The following HMGA2 variants were observed in gnomAD, a reference collection of about 807,000 sequenced individuals.
The protein encoded by HMGA2 is high mobility group AT-hook 2.
HMGA2 carries 8 observed loss-of-function variants against 19.1 expected under a neutral mutation model. The ratio of observed to expected loss-of-function variants is 0.42; its 90% CI spans 0.25 to 0.76. HMGA2 has a LOEUF of 0.76. HMGA2 is among the 30% of genes least tolerant of loss of function. The pLI is 0.28. For missense variants in HMGA2, 109 were observed against 136.3 expected, an observed-to-expected ratio of 0.80 and a Z score of 1.00; for synonymous variants, 60 against 48.8, an observed-to-expected ratio of 1.23 and a Z score of -0.96.
intron 3 of HMGA2, among the ~76,000 whole-genome samples, chr12:65,844,340 G>A (rs961208188): frequency 6.6e-6 from 1 of 152,090 alleles, no homozygotes; most frequent in Non-Finnish European, 1.5e-5. Flanking sequence ...TGCATATAAT[G>A]CATTCAAAGT....
chr12:65,951,527 G>A (rs750247609), intron 4 of HMGA2, 112 bp downstream of exon 4: 10 of 726,724 alleles, frequency 1.4e-5, no homozygotes, highest in South Asian at 3.4e-5. Flanking sequence ...TTTGGTTATC[G>A]TCCTGCAGTA....
intron 3 of HMGA2, among the ~76,000 whole-genome samples, chr12:65,901,655 AC>A (rs1874377174): frequency 6.6e-6 from 1 of 152,214 alleles, no homozygotes; most frequent in Non-Finnish European, 1.5e-5. Flanking sequence ...TATTTACTAA[AC>A]ATTCCTTAAA....
At chr12:65,943,574 C>A (rs555753189) in intron 3 of HMGA2, among the ~76,000 whole-genome samples, 1 of 152,288 alleles carries the variant, frequency 6.6e-6, no homozygotes, top group Admixed American at 6.5e-5. Flanking sequence ...TTACTTTTGT[C>A]TTTTGCATTA....
intron 2 of HMGA2, among the ~76,000 whole-genome samples, 196 bp from the exon 3 acceptor site, chr12:65,838,323 A>G (rs559704425): frequency 1.8e-4 from 27 of 152,014 alleles, no homozygotes; most frequent in African/African-American, 5.3e-4. Flanking sequence ...ACATCATGCA[A>G]TGAAGAAGAA....
At chr12:65,944,368 G>A (rs987075798) in intron 3 of HMGA2, among the ~76,000 whole-genome samples, 1 of 152,198 alleles carries the variant, frequency 6.6e-6, no homozygotes, top group Non-Finnish European at 1.5e-5. Flanking sequence ...TGGATTTGGA[G>A]TGGGTATGAG....
At chr12:65,925,170 A>C (rs1295483572) in intron 3 of HMGA2, among the ~76,000 whole-genome samples, 1 of 152,226 alleles carries the variant, frequency 6.6e-6, no homozygotes, top group African/African-American at 2.4e-5. Flanking sequence ...GTAGCTCAAA[A>C]GTATCTTTTC....
intron 3 of HMGA2, among the ~76,000 whole-genome samples, chr12:65,872,578 T>C (rs1313139316): frequency 4.6e-5 from 7 of 152,210 alleles, no homozygotes; most frequent in Admixed American, 3.3e-4. Context: ...TTTGCAAAGT[T>C]CTGCCATTTA....
chr12:65,922,789 ACC>A (rs149081503), intron 3 of HMGA2, among the ~76,000 whole-genome samples: 2 of 152,078 alleles, frequency 1.3e-5, no homozygotes, highest in East Asian at 3.9e-4. Context: ...TGTGAGAAGG[ACC>A]CAGGGGAGAT....
At chr12:65,895,345 A>T (rs1010231911) in intron 3 of HMGA2, among the ~76,000 whole-genome samples, 9 of 151,592 alleles carry the variant, frequency 5.9e-5, no homozygotes, top group African/African-American at 1.9e-4. Flanking sequence ...AAGAAGGGGA[A>T]AAAAAAAACC....
At chr12:65,885,338 C>A (rs1158776301) in intron 3 of HMGA2, among the ~76,000 whole-genome samples, 2 of 152,028 alleles carry the variant, frequency 1.3e-5, no homozygotes, top group African/African-American at 4.8e-5. Context: ...TCACGAGATA[C>A]ATATTTCTCA....
chr12:65,892,908 C>T (rs1316886232), intron 3 of HMGA2, among the ~76,000 whole-genome samples: 1 of 152,126 alleles, frequency 6.6e-6, no homozygotes, highest in Non-Finnish European at 1.5e-5. Flanking sequence ...CGGCGGAAAC[C>T]TACAAAATGG....
rs76589901 is a variant in HMGA2, at chr12:65,870,300, C to T, written c.249+31731C>T. 8.4e-3 allele frequency among the ~76,000 whole-genome samples: 1,277 copies of T among 152,078 alleles called. 7 individuals carry two copies. Among genetic ancestry groups the T allele is most frequent in the Non-Finnish European group, 0.012 (844 of 67,910 alleles). On this transcript the variant is annotated intron_variant, in intron 3 of 4. Transcript: ENST00000403681. ...ACGAGCCTTGTAAGGTAGTGGTTTT[C>T]GAAATATTTTTGCCAAAATGTAAAT...
chr12:65,875,324 A>G (rs1228237589), intron 3 of HMGA2, among the ~76,000 whole-genome samples: 8 of 152,226 alleles, frequency 5.3e-5, no homozygotes, highest in Admixed American at 2.0e-4. Flanking sequence ...TACATACACT[A>G]GAGCTTGCAG....
intron 3 of HMGA2, among the ~76,000 whole-genome samples, chr12:65,906,355 A>C (rs1449956589): frequency 2.6e-5 from 4 of 152,150 alleles, no homozygotes; most frequent in African/African-American, 9.7e-5. Flanking sequence ...ATAGCATCTT[A>C]TGGGCATACA....
intron 3 of HMGA2, among the ~76,000 whole-genome samples, chr12:65,893,645 C>T (rs1250678635): frequency 6.6e-6 from 1 of 152,170 alleles, no homozygotes; most frequent in African/African-American, 2.4e-5. Flanking sequence ...AGGTTTAGAG[C>T]TGTCCTGCAT....
chr12:65,918,306 A>G (rs1323807124), intron 3 of HMGA2, among the ~76,000 whole-genome samples: 1 of 152,216 alleles, frequency 6.6e-6, no homozygotes, highest in Non-Finnish European at 1.5e-5. Context: ...CTGGAGGGAA[A>G]TCACATGTTC....
chr12:65,849,186 T>C (rs1169907567), intron 3 of HMGA2, among the ~76,000 whole-genome samples: 1 of 152,214 alleles, frequency 6.6e-6, no homozygotes, highest in East Asian at 1.9e-4. Context: ...AGGGTCTCTG[T>C]CCCTACATTT....
At chr12:65,839,856 G>C (rs953523780) in intron 3 of HMGA2, among the ~76,000 whole-genome samples, 2 of 152,156 alleles carry the variant, frequency 1.3e-5, no homozygotes, top group Non-Finnish European at 2.9e-5. Context: ...CTGCACATTA[G>C]AAAATTGTTC....
chr12:65,867,007 T>C, intron 3 of HMGA2: 1 of 455,176 alleles, frequency 2.2e-6, no homozygotes. Context: ...GTTCTGATTT[T>C]CTAGTTTCTA....
Sources: allele counts gnomAD v4.1 joint callset (sites outside exome capture counted in the v4.1 genomes callset), GRCh38; gene constraint gnomAD v4.1.1; transcripts MANE v1.5; gene names NCBI Gene and HGNC (gene_info 2026-07-23, HGNC 2026-07-21).